Variants in RPS6KC1 observed in about 807,000 individuals in gnomAD.
The protein encoded by RPS6KC1 is ribosomal protein S6 kinase C1.
In RPS6KC1, 54 loss-of-function variants were observed where a neutral mutation model predicts 103.8. The ratio of observed to expected loss-of-function variants is 0.52; its 90% CI spans 0.42 to 0.65. The LOEUF is 0.65. Among genes scored for constraint, RPS6KC1 ranks in the 30% least tolerant of loss-of-function variants. The pLI, the probability that RPS6KC1 is intolerant of heterozygous loss-of-function variation, is 0.00. For missense variants in RPS6KC1, 1,151 were observed against 1,253.8 expected, an observed-to-expected ratio of 0.92 and a Z score of 1.24; for synonymous variants, 439 against 438.7, an observed-to-expected ratio of 1.00 and a Z score of -0.01.
chr1:213,687,074 C>T, the RPS6KC1 span, among the ~76,000 whole-genome samples: 1 of 152,212 alleles, frequency 6.6e-6, no homozygotes. Context: ...TCATCACCAT[C>T]TTGGTTTTGG....
the RPS6KC1 span, among the ~76,000 whole-genome samples, chr1:213,372,373 C>T: frequency 6.6e-6 from 1 of 152,186 alleles, no homozygotes; most frequent in Non-Finnish European, 1.5e-5. Flanking sequence ...AATGCAGGTG[C>T]AGGAGGCTCC....
chr1:213,447,241 A>AT, the RPS6KC1 span, among the ~76,000 whole-genome samples: 2 of 152,014 alleles, frequency 1.3e-5, no homozygotes, highest in African/African-American at 4.8e-5. Flanking sequence ...TAATTTTGAA[A>AT]TTTTTTGTAG....
chr1:213,750,237 C>G, the RPS6KC1 span, among the ~76,000 whole-genome samples: 1 of 152,204 alleles, frequency 6.6e-6, no homozygotes, highest in Non-Finnish European at 1.5e-5. Flanking sequence ...GGCTTTCCAG[C>G]CCCTGAAGGG....
At chr1:213,790,316 T>A in the RPS6KC1 span, among the ~76,000 whole-genome samples, 1 of 152,206 alleles carries the variant, frequency 6.6e-6, no homozygotes, top group African/African-American at 2.4e-5. Context: ...AGTTGGTTGA[T>A]CTTTGACTTG....
At chr1:213,839,557 T>C in the RPS6KC1 span, among the ~76,000 whole-genome samples, 4 of 152,208 alleles carry the variant, frequency 2.6e-5, no homozygotes, top group Admixed American at 1.3e-4. Flanking sequence ...ATGAGAAGAA[T>C]GCCTGTCTAC....
the RPS6KC1 span, among the ~76,000 whole-genome samples, chr1:213,781,371 A>G: frequency 2.0e-5 from 3 of 152,156 alleles, no homozygotes; most frequent in Admixed American, 6.5e-5. Context: ...CTCCAGGGAT[A>G]AGAGGGGAAA....
intron 6 of RPS6KC1, among the ~76,000 whole-genome samples, chr1:213,152,573 G>T (rs1360803112): frequency 6.7e-6 from 1 of 149,998 alleles, no homozygotes; most frequent in Non-Finnish European, 1.5e-5. Context: ...GGTTGCCGCC[G>T]GGCAGAGGTG....
chr1:213,673,872 T>C, the RPS6KC1 span, among the ~76,000 whole-genome samples: 1 of 152,316 alleles, frequency 6.6e-6, no homozygotes, highest in East Asian at 1.9e-4. Context: ...GGGGTACATG[T>C]ATAGGTTTGT....
the RPS6KC1 span, among the ~76,000 whole-genome samples, chr1:213,416,665 C>A: frequency 4.5e-4 from 68 of 152,304 alleles, no homozygotes; most frequent in African/African-American, 1.6e-3. Flanking sequence ...ACCCTGGTGT[C>A]GTGCCTCCGC....
At chr1:213,732,978 T>C in the RPS6KC1 span, among the ~76,000 whole-genome samples, 1 of 152,190 alleles carries the variant, frequency 6.6e-6, no homozygotes, top group Non-Finnish European at 1.5e-5. Flanking sequence ...CAGGATTCCC[T>C]TCTTTTTACA....
At chr1:213,743,124 A>G in the RPS6KC1 span, among the ~76,000 whole-genome samples, 2 of 152,362 alleles carry the variant, frequency 1.3e-5, no homozygotes, top group African/African-American at 4.8e-5. Context: ...TAGTGAAGAC[A>G]TGGAATCAGC....
chr1:213,213,400 G>T lies in RPS6KC1; in HGVS notation c.1045-17097G>T, dbSNP rs79861156. Reference sequence around the variant, plus strand: ...GGTCTCCTTCTGGGCTCTCTGTTCTGTTGCATTGATTGGTTTGTCTATTCT... The same window carrying T: ...GGTCTCCTTCTGGGCTCTCTGTTCTTTTGCATTGATTGGTTTGTCTATTCT... On this transcript the variant is annotated intron_variant, in intron 8 of 14. Coordinates refer to ENST00000366960, the MANE Select transcript of RPS6KC1 (RefSeq NM_012424.6). Among the ~76,000 whole-genome samples, 445 of 152,226 alleles carry T rather than the reference G, an allele frequency of 2.9e-3. 1 individual carries two copies. The highest frequency in any genetic ancestry group is 9.3e-3 in the African/African-American group (388 of 41,544).
chr1:213,362,887 G>A, the RPS6KC1 span, among the ~76,000 whole-genome samples: 1 of 152,202 alleles, frequency 6.6e-6, no homozygotes, highest in Non-Finnish European at 1.5e-5. Flanking sequence ...GACTGCCCTT[G>A]GACTTGAACT....
At chr1:213,684,577 C>T in the RPS6KC1 span, among the ~76,000 whole-genome samples, 1 of 152,188 alleles carries the variant, frequency 6.6e-6, no homozygotes, top group Non-Finnish European at 1.5e-5. Context: ...GGAACTGTCC[C>T]CATGCCCTCA....
chr1:213,755,897 C>A, the RPS6KC1 span, among the ~76,000 whole-genome samples: 5 of 152,292 alleles, frequency 3.3e-5, no homozygotes, highest in African/African-American at 1.2e-4. Context: ...ACAGAAATAA[C>A]CCTGGCTTTC....
At chr1:213,442,237 T>C in the RPS6KC1 span, among the ~76,000 whole-genome samples, 1 of 152,220 alleles carries the variant, frequency 6.6e-6, no homozygotes, top group Non-Finnish European at 1.5e-5. Flanking sequence ...CTCTGCTCAT[T>C]ATCTATACCC....
the RPS6KC1 span, among the ~76,000 whole-genome samples, chr1:213,576,370 GGT>G: frequency 8.3e-6 from 1 of 119,960 alleles, no homozygotes; most frequent in Non-Finnish European, 1.7e-5. Flanking sequence ...AGATACTGTG[GGT>G]TTTTTTTTTT....
intron 3 of RPS6KC1, among the ~76,000 whole-genome samples, chr1:213,092,692 A>G (rs1380229516): frequency 6.7e-6 from 1 of 149,392 alleles, no homozygotes; most frequent in Non-Finnish European, 1.5e-5. Context: ...AAAAAGAAAT[A>G]CACTTGTATG....
At chr1:213,554,803 C>G in the RPS6KC1 span, among the ~76,000 whole-genome samples, 17 of 152,148 alleles carry the variant, frequency 1.1e-4, no homozygotes, top group Non-Finnish European at 1.3e-4. Context: ...GCTCTGGTCT[C>G]TCCTTTTAGA....
Sources: gnomAD v4.1 joint callset for allele counts (sites outside exome capture counted in the v4.1 genomes callset) on GRCh38, gnomAD v4.1.1 for gene constraint, MANE v1.5 for transcripts, NCBI Gene and HGNC (gene_info 2026-07-23, HGNC 2026-07-21) for gene names.